GSS: variants seen among roughly 807,000 people sequenced by gnomAD.
GSS encodes glutathione synthetase.
Under a neutral mutation model 60.4 loss-of-function variants are expected in GSS, and 34 were observed. The ratio of observed to expected loss-of-function variants is 0.56; its 90% CI spans 0.43 to 0.75. The LOEUF (loss-of-function observed/expected upper bound fraction) is 0.75. Ranked by LOEUF, GSS falls within the 30% of genes least tolerant of loss-of-function variation. The pLI is 0.00. For missense variants in GSS, 499 were observed against 595.1 expected, an observed-to-expected ratio of 0.84 and a Z score of 1.68; for synonymous variants, 224 against 239.0, an observed-to-expected ratio of 0.94 and a Z score of 0.58.
In GSS at chr20:34,946,096, C is replaced by T. The variant is rs370562032; in HGVS notation, c.132G>A (p.Val44=). The T allele has an allele frequency of 1.2e-6, 2 of 1,608,052 alleles. No individual in the cohort carries two copies. The highest frequency in any genetic ancestry group is 1.7e-6 in the Non-Finnish European group (2 of 1,175,324). The stretch of plus-strand genomic sequence containing the variant: ...AGAGCGTGAATGGGGCATAGCTCAC[C>T]ACCTGTGATCAAGAAGAGAGAATGG... ...RTSQEPTSSE[V]VSYAPFTLFP... is the part of the protein sequence containing the mutation. The change falls in exon 3 of 13, where the codon GTG becomes GTA. Residue 44 remains valine, a splice_region_variant and synonymous_variant. Transcript: ENST00000651619.
intron 2 of GSS, chr20:34,946,833 C>A (rs1330589782): frequency 6.6e-6 from 1 of 152,172 alleles, no homozygotes; most frequent in Non-Finnish European, 1.5e-5. Flanking sequence ...AGTTCAGCTG[C>A]ATTCCGCATT....
chr20:34,933,148 ATTTTTG>A (rs1157688476), intron 9 of GSS, among the ~76,000 whole-genome samples: 2 of 151,878 alleles, frequency 1.3e-5, no homozygotes, highest in African/African-American at 4.8e-5. Context: ...AAATGGCCAT[ATTTTTG>A]TTTACTTTCT....
intron 2 of GSS, among the ~76,000 whole-genome samples, chr20:34,948,164 TA>T (rs1379987860): frequency 6.6e-6 from 1 of 152,140 alleles, no homozygotes; most frequent in African/African-American, 2.4e-5. Flanking sequence ...TTTGTGAGAA[TA>T]AGGTTTATTC....
chr20:34,945,082 G>C (rs1307417565), intron 3 of GSS, among the ~76,000 whole-genome samples: 4 of 151,260 alleles, frequency 2.6e-5, no homozygotes, highest in Admixed American at 1.3e-4. Flanking sequence ...GTACAGTGTC[G>C]TGATCTTGGC....
chr20:34,956,024 G>C (rs897296446), upstream of GSS: 2 of 152,348 alleles, frequency 1.3e-5, no homozygotes, highest in Non-Finnish European at 2.9e-5. Context: ...ATAGCTCATA[G>C]AGCGTCAGAG....
chr20:34,950,713 G>C (rs2147135867), intron 2 of GSS, among the ~76,000 whole-genome samples: 1 of 152,228 alleles, frequency 6.6e-6, no homozygotes, highest in South Asian at 2.1e-4. Flanking sequence ...AGGTTGCAGT[G>C]AGCCAAGATT....
At chr20:34,945,904 T>G in intron 3 of GSS, 49 bp downstream of exon 3, 1 of 1,598,778 alleles carries the variant, frequency 6.3e-7, no homozygotes, top group Non-Finnish European at 8.6e-7. Flanking sequence ...ATCTTCCAGT[T>G]CCTTGGCTCT....
chr20:34,953,772 T>A (rs903360052), intron 1 of GSS, among the ~76,000 whole-genome samples: 9 of 151,884 alleles, frequency 5.9e-5, no homozygotes, highest in Admixed American at 1.3e-4. Flanking sequence ...CCTGCCACCA[T>A]GCCCGGCTAA....
chr20:34,937,038 C>T lies in GSS; in HGVS notation c.609-15G>A. The T allele has an allele frequency of 1.2e-6, 2 of 1,600,150 alleles. No homozygotes were observed. Among genetic ancestry groups the T allele is most frequent in the Non-Finnish European group, 1.7e-6 (2 of 1,167,910 alleles). On this transcript the variant is annotated splice_polypyrimidine_tract_variant and intron_variant, in intron 6 of 12. Coordinates refer to ENST00000651619, the MANE Select transcript of GSS (RefSeq NM_000178.4). ...GCACCAGAGCACTGGGGAAAGAGCA[C>T]AGGTGGCCCGAGGCTACTATAGAAC...
At chr20:34,948,551 C>T (rs1298910892) in intron 2 of GSS, among the ~76,000 whole-genome samples, 1 of 152,046 alleles carries the variant, frequency 6.6e-6, no homozygotes, top group African/African-American at 2.4e-5. Context: ...TTTGGGAGGC[C>T]GAGGCGGGCA....
chr20:34,936,748 C>T lies in GSS; in HGVS notation c.767+15G>A. 6.3e-7 allele frequency: 1 copy of T among 1,586,738 alleles called. No individual in the cohort carries two copies. The highest frequency in any genetic ancestry group is 8.7e-7 in the Non-Finnish European group (1 of 1,155,018). On this transcript the variant is annotated intron_variant, in intron 8 of 12. Transcript: ENST00000651619. ...TCATAAACCAGCCTTCCACTGGATT[C>T]TTGGGAATGCTTACACAAACAGCCT...
chr20:34,936,620 C>A, intron 8 of GSS, 143 bp downstream of exon 8: 1 of 804,708 alleles, frequency 1.2e-6, no homozygotes, highest in Non-Finnish European at 2.2e-6. Context: ...TCCAAAATTT[C>A]CTGGGAGGAT....
Position 34,929,388 on chromosome 20 carries a change from C to T in GSS, c.1301+13G>A, listed in dbSNP as rs111816203. ...AAGCAGGTAGTGGAAAGAGCTTCTC[C>T]TGATTGGCTCACCTGACATAGACCC... On this transcript the variant is annotated intron_variant, in intron 12 of 12. Coordinates refer to ENST00000651619, the MANE Select transcript of GSS (RefSeq NM_000178.4). 10 of 1,610,850 alleles carry T rather than the reference C, an allele frequency of 6.2e-6. No homozygotes were observed. Among genetic ancestry groups the T allele is most frequent in the Admixed American group, 1.7e-5 (1 of 60,022 alleles).
chr20:34,941,172 T>G (rs1364802746), intron 6 of GSS, among the ~76,000 whole-genome samples: 1 of 152,096 alleles, frequency 6.6e-6, no homozygotes, highest in Non-Finnish European at 1.5e-5. Context: ...ATGACCAACA[T>G]GGTGAAACCC....
chr20:34,946,032 A>G lies in GSS; in HGVS notation c.196T>C (p.Tyr66His). The G allele has an allele frequency of 6.2e-7, 1 of 1,613,940 alleles. No individual in the cohort carries two copies. Among genetic ancestry groups the G allele is most frequent in the Non-Finnish European group, 8.5e-7 (1 of 1,179,774 alleles). The stretch of plus-strand genomic sequence containing the variant: ...AGGTTGAAGTCCATCTGCACAGCAT[A>G]GGCTTGCTCCAGCAGGGCACTGGGG... ...LVPSALLEQA[Y>H]AVQMDFNLLV... Residue 66 changes from tyrosine (Y) to histidine (H), a missense_variant, in exon 3 of 13, where the codon TAT becomes CAT. By Grantham distance (83) the Tyr-to-His change is moderately conservative (BLOSUM62 2). Coordinates refer to ENST00000651619, the MANE Select transcript of GSS (RefSeq NM_000178.4).
chr20:34,938,244 A>G (rs2081455991), intron 6 of GSS, among the ~76,000 whole-genome samples: 1 of 152,050 alleles, frequency 6.6e-6, no homozygotes, highest in East Asian at 1.9e-4. Flanking sequence ...TTGGCTTAGG[A>G]TTCTAAGTGT....
At chr20:34,934,954 G>C (rs2081429640) in intron 9 of GSS, among the ~76,000 whole-genome samples, 2 of 152,192 alleles carry the variant, frequency 1.3e-5, no homozygotes, top group African/African-American at 4.8e-5. Context: ...TGGATGTTAG[G>C]AGCAGAGGAG....
chr20:34,929,027 A>G, intron 12 of GSS, 76 bp from the exon 13 acceptor site: 1 of 1,555,970 alleles, frequency 6.4e-7, no homozygotes, highest in Non-Finnish European at 8.8e-7. Flanking sequence ...GACCCAGCTG[A>G]GCAGTACCTG....
In GSS at chr20:34,928,764, C is replaced by T; in HGVS notation, c.*64G>A. ...TGGAGGTCTTTAGGAGGATACCCCT[C>T]AGGAGGGCTAGGAGAGGAATGACAA... On this transcript the variant is annotated 3_prime_UTR_variant, in exon 13 of 13. Transcript: ENST00000651619. The T allele has an allele frequency of 6.3e-7, 1 of 1,594,418 alleles. No individual in the cohort carries two copies. Among genetic ancestry groups the T allele is most frequent in the South Asian group, 1.1e-5 (1 of 90,468 alleles).
Sources: gnomAD v4.1 joint callset for allele counts (sites outside exome capture counted in the v4.1 genomes callset) on GRCh38, gnomAD v4.1.1 for gene constraint, MANE v1.5 for transcripts, NCBI Gene and HGNC (gene_info 2026-07-23, HGNC 2026-07-21) for gene names.